Variants in ERC2 observed in about 807,000 individuals in gnomAD.
ERC2 encodes the protein ELKS/RAB6-interacting/CAST family member 2.
ERC2 carries 42 observed loss-of-function variants against 114.8 expected under a neutral mutation model. That is an observed-to-expected ratio of 0.37 (90% CI 0.29 to 0.47). The LOEUF (loss-of-function observed/expected upper bound fraction) is 0.47. Ranked by LOEUF, ERC2 falls within the 20% of genes least tolerant of loss-of-function variation. The pLI, the probability that ERC2 is intolerant of heterozygous loss-of-function variation, is 0.99. For missense variants in ERC2, 939 were observed against 1,150.7 expected (o/e 0.82, Z 2.66); for synonymous variants, 454 against 425.5 (o/e 1.07, Z -0.82).
At chr3:55,965,104 A>G (rs906409790) in intron 12 of ERC2, among the ~76,000 whole-genome samples, 3 of 152,208 alleles carry the variant, frequency 2.0e-5, no homozygotes, top group Admixed American at 6.5e-5. Context: ...CACCTTTGCC[A>G]TATTCTATCA....
chr3:56,235,261 T>C (rs1211451442), intron 3 of ERC2, among the ~76,000 whole-genome samples: 1 of 152,150 alleles, frequency 6.6e-6, no homozygotes, highest in Non-Finnish European at 1.5e-5. Flanking sequence ...GTAAACAAGA[T>C]AGGTATGGCC....
intron 6 of ERC2, among the ~76,000 whole-genome samples, chr3:56,128,161 G>T (rs2079994934): frequency 6.6e-6 from 1 of 152,096 alleles, no homozygotes; most frequent in Admixed American, 6.6e-5. Flanking sequence ...TATTCATTAG[G>T]TACTTCCATG....
intron 12 of ERC2, among the ~76,000 whole-genome samples, chr3:55,958,281 T>C (rs1007514971): frequency 6.6e-6 from 1 of 152,198 alleles, no homozygotes; most frequent in East Asian, 1.9e-4. Context: ...AGGTAGCTCC[T>C]TCCCACAGCT....
rs369620965 is a variant in ERC2, at chr3:55,888,694, T to C, written c.2404-145A>G. 2.8e-4 allele frequency: 270 copies of C among 961,784 alleles called. 7 individuals are homozygous for C. In the South Asian group the frequency reaches 4.3e-3, roughly 15 times the overall value. 59.6% of individuals were successfully genotyped at this position (961,784 alleles called of 1,614,324 possible). A position where few individuals can be genotyped will look rare whatever the true frequency, so the allele number is the denominator to read the frequency against. On this transcript the variant is annotated intron_variant, in intron 13 of 17. Transcript: ENST00000288221. Reference sequence around the variant, plus strand: ...GCTGTGTCTTGGAGCCCTTTCTTTCTTTGTCATTGAAACTATGAAAATGCA... The same window carrying C: ...GCTGTGTCTTGGAGCCCTTTCTTTCCTTGTCATTGAAACTATGAAAATGCA...
chr3:55,889,385 C>T (rs1323564103), intron 13 of ERC2, among the ~76,000 whole-genome samples: 2 of 152,020 alleles, frequency 1.3e-5, no homozygotes, highest in Non-Finnish European at 2.9e-5. Flanking sequence ...TTGGTTTGCC[C>T]CTGAAGTTTG....
intron 14 of ERC2, among the ~76,000 whole-genome samples, chr3:55,821,896 C>T (rs1175444934): frequency 1.3e-5 from 2 of 152,238 alleles, no homozygotes; most frequent in Non-Finnish European, 2.9e-5. Context: ...TAAGGTCACA[C>T]AGCTGGCAGG....
chr3:55,696,037 T>C (rs2062910658), intron 16 of ERC2, among the ~76,000 whole-genome samples: 1 of 152,228 alleles, frequency 6.6e-6, no homozygotes, highest in Non-Finnish European at 1.5e-5. Context: ...ATGGGACTAA[T>C]GTTCTAAAAG....
intron 17 of ERC2, among the ~76,000 whole-genome samples, chr3:55,642,348 C>T (rs199497439): frequency 8.7e-3 from 1,202 of 138,638 alleles, no homozygotes; most frequent in South Asian, 9.4e-3. Context: ...TTTTTTTTTT[C>T]TTTTTTGACA....
chr3:55,825,493 T>C (rs1428067124), intron 14 of ERC2, among the ~76,000 whole-genome samples: 2 of 152,254 alleles, frequency 1.3e-5, no homozygotes, highest in Non-Finnish European at 2.9e-5. Context: ...TTTGTATATC[T>C]GGATGTCTGC....
At chr3:55,939,113 A>AT (rs1559901694) in intron 13 of ERC2, among the ~76,000 whole-genome samples, 1 of 152,214 alleles carries the variant, frequency 6.6e-6, no homozygotes, top group Non-Finnish European at 1.5e-5. Context: ...ATGAGGTACA[A>AT]TTTTTTAAAA....
Position 55,942,787 on chromosome 3 carries a change from T to A in ERC2, c.2403+7638A>T, listed in dbSNP as rs549985508. On this transcript the variant is annotated intron_variant, in intron 13 of 17. Transcript: ENST00000288221. ...GACGATTAAGTGAATAGGAACTGAT[T>A]TAATAGTTGTATTTTCCTTTTGCAA... 2.6e-5 allele frequency among the ~76,000 whole-genome samples: 4 copies of A among 152,312 alleles called. No homozygotes were observed. In the South Asian group the frequency reaches 8.3e-4, roughly 32 times the overall value.
chr3:55,732,277 T>A (rs1167568040), intron 15 of ERC2, among the ~76,000 whole-genome samples: 3 of 152,026 alleles, frequency 2.0e-5, no homozygotes, highest in Non-Finnish European at 4.4e-5. Context: ...GTTCTTAGAG[T>A]CATTATCATT....
intron 3 of ERC2, among the ~76,000 whole-genome samples, chr3:56,221,515 G>C (rs1318566862): frequency 6.6e-6 from 1 of 152,078 alleles, no homozygotes; most frequent in African/African-American, 2.4e-5. Context: ...CTATAGAAGA[G>C]AACACTGAGG....
intron 14 of ERC2, among the ~76,000 whole-genome samples, chr3:55,848,521 C>G (rs1367195074): frequency 6.6e-6 from 1 of 152,214 alleles, no homozygotes; most frequent in Non-Finnish European, 1.5e-5. Flanking sequence ...TGGTGGCATT[C>G]CAACTTGCTG....
At chr3:55,923,461 ACTTTGAATGTATTTAAAGC>A (rs2065555879) in intron 13 of ERC2, among the ~76,000 whole-genome samples, 2 of 152,122 alleles carry the variant, frequency 1.3e-5, no homozygotes, top group South Asian at 4.1e-4. Flanking sequence ...GTTACACAAC[ACTTTGAATGTATTTAAAGC>A]CACTGGTAAA....
At chr3:56,000,047 T>G (rs2071911810) in intron 10 of ERC2, among the ~76,000 whole-genome samples, 1 of 151,842 alleles carries the variant, frequency 6.6e-6, no homozygotes, top group Non-Finnish European at 1.5e-5. Context: ...GAACAGATGC[T>G]TAGAAACTAA....
intron 17 of ERC2, among the ~76,000 whole-genome samples, chr3:55,561,455 T>G (rs1437686338): frequency 6.6e-6 from 1 of 152,116 alleles, no homozygotes; most frequent in East Asian, 1.9e-4. Context: ...TAGCTTCATT[T>G]CACTCAAAGG....
At chr3:56,443,292 A>G (rs1391432986) in intron 1 of ERC2, among the ~76,000 whole-genome samples, 2 of 152,230 alleles carry the variant, frequency 1.3e-5, no homozygotes, top group African/African-American at 4.8e-5. Flanking sequence ...TTCACAGACC[A>G]TCAAAATGGT....
intron 7 of ERC2, among the ~76,000 whole-genome samples, chr3:56,071,349 C>T (rs1298879570): frequency 1.3e-5 from 2 of 152,170 alleles, no homozygotes; most frequent in Non-Finnish European, 2.9e-5. Flanking sequence ...CTAATTAGCT[C>T]CATGACCCTA....
Sources: allele counts gnomAD v4.1 joint callset (sites outside exome capture counted in the v4.1 genomes callset), GRCh38; gene constraint gnomAD v4.1.1; transcripts MANE v1.5; gene names NCBI Gene and HGNC (gene_info 2026-07-23, HGNC 2026-07-21).